Variants in CEP44 observed in about 807,000 individuals in gnomAD.
CEP44 encodes the protein centrosomal protein 44, also known as centrosomal protein of 44 kDa.
CEP44 carries 45 observed loss-of-function variants against 46.7 expected under a neutral mutation model. The ratio of observed to expected loss-of-function variants is 0.96; its 90% CI spans 0.76 to 1.24. The LOEUF (loss-of-function observed/expected upper bound fraction) is 1.24, where lower values mean the gene tolerates loss of function less well. Among genes scored for constraint, CEP44 ranks in the 50% most tolerant of loss-of-function variants. CEP44 has a pLI of 0.00. For synonymous variants in CEP44, 142 were observed against 146.0 expected, an observed-to-expected ratio of 0.97 and a Z score of 0.20; for missense variants, 475 against 459.7, an observed-to-expected ratio of 1.03 and a Z score of -0.30.
chr4:174,307,581 G>A lies in CEP44; in HGVS notation c.508-1108G>A, dbSNP rs72993310. On this transcript the variant is annotated intron_variant, in intron 6 of 11. Coordinates refer to ENST00000503780, the MANE Select transcript of CEP44 (RefSeq NM_001040157.3). Reference sequence around the variant, plus strand: ...TGATTTCATGACGAAGACGCCAAAGGCAATTCCAACAAAAGCAAAAGTTGA... The same window carrying A: ...TGATTTCATGACGAAGACGCCAAAGACAATTCCAACAAAAGCAAAAGTTGA... Among the ~76,000 whole-genome samples, 218 of 152,240 alleles carry A rather than the reference G, an allele frequency of 1.4e-3. 1 individual carries two copies. The highest frequency in any genetic ancestry group is 4.8e-3 in the African/African-American group (201 of 41,546).
chr4:174,294,489 C>T (rs1388441999), intron 1 of CEP44, among the ~76,000 whole-genome samples: 28 of 151,804 alleles, frequency 1.8e-4, no homozygotes, highest in Admixed American at 9.8e-4. Flanking sequence ...ATCCTTTCCC[C>T]GCCTTTCCCC....
intron 10 of CEP44, 32 bp downstream of exon 10, chr4:174,316,322 A>C: frequency 6.3e-7 from 1 of 1,589,634 alleles, no homozygotes; most frequent in Non-Finnish European, 8.6e-7. Flanking sequence ...TTCCTTTCTA[A>C]ATGAGGAAAA....
chr4:174,319,313 C>T lies in CEP44; in HGVS notation c.*1930C>T, dbSNP rs1006746333. 1 of 980,474 alleles carries T rather than the reference C, an allele frequency of 1.0e-6. No homozygotes were observed. Among genetic ancestry groups the T allele is most frequent in the Non-Finnish European group, 1.2e-6 (1 of 825,614 alleles). 60.7% of individuals were successfully genotyped at this position (980,474 alleles called of 1,614,324 possible). On this transcript the variant is annotated 3_prime_UTR_variant, in exon 12 of 12. Coordinates refer to ENST00000503780, the MANE Select transcript of CEP44 (RefSeq NM_001040157.3). ...GTTATAGTTATAAGGGAAAAAACTT[C>T]TGTATCGATTAACTCCTAAAATATC...
chr4:174,306,973 A>C (rs1193666532), intron 6 of CEP44, among the ~76,000 whole-genome samples: 1 of 152,218 alleles, frequency 6.6e-6, no homozygotes, highest in East Asian at 1.9e-4. Flanking sequence ...TGACACAAAC[A>C]AATGGAAAAA....
intron 1 of CEP44, among the ~76,000 whole-genome samples, chr4:174,289,617 A>C (rs1035056010): frequency 5.3e-5 from 8 of 151,176 alleles, no homozygotes; most frequent in African/African-American, 1.9e-4. Context: ...ATTTTGTTTG[A>C]GTCTTCTATT....
chr4:174,320,129 A>G lies in CEP44; in HGVS notation c.*2746A>G. The stretch of plus-strand genomic sequence containing the variant: ...ATAGGTCTCGGTAAAGATTATATGG[A>G]AATACTATAAAGAATACATAAGGTA... On this transcript the variant is annotated 3_prime_UTR_variant, in exon 12 of 12. Coordinates refer to ENST00000503780, the MANE Select transcript of CEP44 (RefSeq NM_001040157.3). 1 of 985,206 alleles carries G rather than the reference A, an allele frequency of 1.0e-6. No homozygotes were observed. The highest frequency in any genetic ancestry group is 1.2e-6 in the Non-Finnish European group (1 of 829,788). 61.0% of individuals were successfully genotyped at this position (985,206 alleles called of 1,614,324 possible).
chr4:174,320,798 C>G (rs973071178), downstream of CEP44, among the ~76,000 whole-genome samples: 1 of 151,646 alleles, frequency 6.6e-6, no homozygotes, highest in Non-Finnish European at 1.5e-5. Context: ...AATATGATAA[C>G]CAGATCTGAG....
At chr4:174,325,169 CTA>C (rs1742583573), downstream of CEP44, among the ~76,000 whole-genome samples, 1 of 152,064 alleles carries the variant, frequency 6.6e-6, no homozygotes, top group African/African-American at 2.4e-5. This position sits in a 1 kb window ranked among gnomAD's most constrained non-coding sequence, Gnocchi z 4.4. Context: ...GGTGAAGAGT[CTA>C]TTCAAAGATA....
chr4:174,298,689 T>A (rs1265439142), intron 2 of CEP44, among the ~76,000 whole-genome samples: 1 of 152,184 alleles, frequency 6.6e-6, no homozygotes, highest in East Asian at 1.9e-4. Context: ...TTTTTATTGA[T>A]TGTGTTATGT....
chr4:174,295,276 G>C (rs572498485), intron 1 of CEP44, among the ~76,000 whole-genome samples: 1 of 151,300 alleles, frequency 6.6e-6, no homozygotes, highest in South Asian at 2.1e-4. Flanking sequence ...CAGACGGAGC[G>C]GCTGGGCAGA....
At chr4:174,300,889 G>A (rs1579102357) in intron 3 of CEP44, among the ~76,000 whole-genome samples, 1 of 151,824 alleles carries the variant, frequency 6.6e-6, no homozygotes, top group East Asian at 1.9e-4. Flanking sequence ...TGTTAAATGT[G>A]TGCCTGGCTA....
In CEP44 at chr4:174,310,605, A is replaced by G. The variant is rs1232648380; in HGVS notation, c.886-178A>G. Among the ~76,000 whole-genome samples, 3 of 151,922 alleles carry G rather than the reference A, an allele frequency of 2.0e-5. No homozygotes were observed. The highest frequency in any genetic ancestry group is 2.9e-5 in the Non-Finnish European group (2 of 67,842). ...GTCAAGTAGCTTGCTATCTGCTTCC[A>G]TATTTAAAACATTTCTTATATGTAG... On this transcript the variant is annotated intron_variant, in intron 8 of 11. Coordinates refer to ENST00000503780, the MANE Select transcript of CEP44 (RefSeq NM_001040157.3). This position sits in a 1 kb window ranked among gnomAD's most constrained non-coding sequence, Gnocchi z 4.2.
downstream of CEP44, among the ~76,000 whole-genome samples, chr4:174,322,695 A>C (rs2126691844): frequency 6.6e-6 from 1 of 151,922 alleles, no homozygotes; most frequent in South Asian, 2.1e-4. Flanking sequence ...GTGGCTTGAC[A>C]AACAATTAAG....
In CEP44 at chr4:174,297,033, T is replaced by C. The variant is rs755447736; in HGVS notation, c.-147-933T>C. Among the ~76,000 whole-genome samples, 4 of 152,096 alleles carry C rather than the reference T, an allele frequency of 2.6e-5. No individual in the cohort carries two copies. Among genetic ancestry groups the C allele is most frequent in the Non-Finnish European group, 5.9e-5 (4 of 67,998 alleles). On this transcript the variant is annotated intron_variant, in intron 1 of 11. Coordinates refer to ENST00000503780, the MANE Select transcript of CEP44 (RefSeq NM_001040157.3). This position sits in a 1 kb window ranked among gnomAD's most constrained non-coding sequence, Gnocchi z 4.3. Reference sequence around the variant, plus strand: ...TGCTGTCTGAGATTATTATAACTGTTCCTGCTTTCTTTTGATTAATGTTAG... The same window carrying C: ...TGCTGTCTGAGATTATTATAACTGTCCCTGCTTTCTTTTGATTAATGTTAG...
rs377113049 is a variant in CEP44, at chr4:174,326,395, A to G, written c.1087-5087A>G. On this transcript the variant is annotated intron_variant, in intron 8 of 8. Transcript: ENST00000426172. This position sits in a 1 kb window ranked among gnomAD's most constrained non-coding sequence, Gnocchi z 4.8. ...TTATACTACTCATTTTAAGTATAAC[A>G]TAAGAGCCTTACGATAATATACTTT... 2.0e-5 allele frequency among the ~76,000 whole-genome samples: 3 copies of G among 152,150 alleles called. No homozygotes were observed. In the East Asian group the frequency reaches 5.8e-4, roughly 29 times the overall value.
Position 174,331,434 on chromosome 4 carries a change from A to G in CEP44, c.1087-48A>G, listed in dbSNP as rs1183525089. 1.0e-5 allele frequency: 16 copies of G among 1,541,492 alleles called. No individual in the cohort carries two copies. Among genetic ancestry groups the G allele is most frequent in the African/African-American group, 1.4e-5 (1 of 72,934 alleles). On this transcript the variant is annotated intron_variant, in intron 8 of 8. Coordinates refer to the CEP44 transcript ENST00000426172. The surrounding 1 kb of genome is among the most constrained non-coding windows in gnomAD (Gnocchi z 4.5). ...TAATTCCTATCTACCCATTCTGCCA[A>G]TGCATTTAGATCATATTTTAATGTA...
chr4:174,291,613 G>A (rs1356563765), intron 1 of CEP44, among the ~76,000 whole-genome samples: 1 of 151,912 alleles, frequency 6.6e-6, no homozygotes, highest in East Asian at 1.9e-4. Flanking sequence ...GCTTTTAGCA[G>A]TGAGATGTAT....
Position 174,320,139 on chromosome 4 carries a change from A to G in CEP44, c.*2756A>G, listed in dbSNP as rs1489162105. ...GTAAAGATTATATGGAAATACTATAAAGAATACATAAGGTAAAATACTAGT... is the reference window on the plus strand; with the variant it reads ...GTAAAGATTATATGGAAATACTATAGAGAATACATAAGGTAAAATACTAGT... On this transcript the variant is annotated 3_prime_UTR_variant, in exon 12 of 12. Transcript: ENST00000503780. 18 of 985,126 alleles carry G rather than the reference A, an allele frequency of 1.8e-5. No individual in the cohort carries two copies. The highest frequency in any genetic ancestry group is 2.0e-5 in the Non-Finnish European group (17 of 829,692). 61.0% of individuals were successfully genotyped at this position (985,126 alleles called of 1,614,324 possible).
Position 174,303,702 on chromosome 4 carries a change from G to A in CEP44, c.238-1G>A, listed in dbSNP as rs1336642265. 1.3e-6 allele frequency: 2 copies of A among 1,518,658 alleles called. No individual in the cohort carries two copies. Among genetic ancestry groups the A allele is most frequent in the African/African-American group, 2.7e-5 (2 of 73,114 alleles). The allele number at this position is 1,518,658 out of a possible 1,614,324, so 94.1% of individuals were successfully genotyped here. A position where few individuals can be genotyped will look rare whatever the true frequency, so the allele number is the denominator to read the frequency against. ...ATTACAAGAGTCTGTTTCCTCTGCAGCTTCTTCGTGATCAATTTAATTATA... is the reference window on the plus strand; with the variant it reads ...ATTACAAGAGTCTGTTTCCTCTGCAACTTCTTCGTGATCAATTTAATTATA... On this transcript the variant is annotated splice_acceptor_variant, in intron 4 of 11. Transcript: ENST00000503780. LOFTEE classifies it high-confidence loss of function.
Sources: gnomAD v4.1 joint callset for allele counts (sites outside exome capture counted in the v4.1 genomes callset) on GRCh38, gnomAD v4.1.1 for gene constraint, Gnocchi (gnomAD v3.1) non-coding constraint, MANE v1.5 for transcripts, NCBI Gene and HGNC (gene_info 2026-07-23, HGNC 2026-07-21) for gene names.